DDI2: variants seen among roughly 807,000 people sequenced by gnomAD.
DDI2 encodes the protein DDI proteasomal shuttling factor 2.
Under a neutral mutation model 48.1 loss-of-function variants are expected in DDI2, and 5 were observed. The observed-to-expected ratio is 0.10, with a 90% CI of 0.05 to 0.22. The LOEUF (loss-of-function observed/expected upper bound fraction) is 0.22, where lower values mean the gene tolerates loss of function less well. Ranked by LOEUF, DDI2 falls within the 10% of genes least tolerant of loss-of-function variation. The pLI, the probability that DDI2 is intolerant of heterozygous loss-of-function variation, is 1.00. For synonymous variants in DDI2, 205 were observed against 183.6 expected (o/e 1.12, Z -0.94); for missense variants, 285 against 506.2 (o/e 0.56, Z 4.19).
intron 5 of DDI2, among the ~76,000 whole-genome samples, chr1:15,640,952 C>T (rs989139475): frequency 6.6e-6 from 1 of 152,050 alleles, no homozygotes; most frequent in African/African-American, 2.4e-5. Flanking sequence ...AAAAGCAGGG[C>T]AGGGACCATT....
intron 5 of DDI2, among the ~76,000 whole-genome samples, chr1:15,640,912 G>C (rs1189411126): frequency 6.6e-6 from 1 of 152,206 alleles, no homozygotes; most frequent in Non-Finnish European, 1.5e-5. Flanking sequence ...TCTTGAGCTA[G>C]ATCTTGAAGC....
rs1483371487 is a variant in DDI2 at position 15,648,847 on chromosome 1, A to AAC, written c.890-872_890-871insCA. On this transcript the variant is annotated intron_variant, in intron 6 of 9. Transcript: ENST00000480945. ...CAGACCCTGTCTCAAAAAAAAAAAA[A>AAC]AAAAACAACCCTAAAACCTAGATGT... Among the ~76,000 whole-genome samples, 49 of 151,400 alleles carry AAC rather than the reference A, an allele frequency of 3.2e-4. 1 individual carries two copies. The highest frequency in any genetic ancestry group is 1.2e-3 in the African/African-American group (49 of 41,094).
rs1640355144 is a variant in DDI2 at position 15,660,631 on chromosome 1, C to A, written c.*841C>A. The A allele has an allele frequency of 1.9e-6, 3 of 1,614,040 alleles. No individual in the cohort carries two copies. The highest frequency in any genetic ancestry group is 2.5e-6 in the Non-Finnish European group (3 of 1,180,040). On this transcript the variant is annotated 3_prime_UTR_variant, in exon 10 of 10. Coordinates refer to ENST00000480945, the MANE Select transcript of DDI2 (RefSeq NM_032341.5). ...AACATTTATGGAAATCGATACAGCT[C>A]AACAGTCCCTAGTTACTTTGCTTAA...
Position 15,617,814 on chromosome 1 carries a change from C to T in DDI2, c.138+6C>T. The T allele has an allele frequency of 6.3e-7, 1 of 1,590,206 alleles. No individual in the cohort carries two copies. Among genetic ancestry groups the T allele is most frequent in the Non-Finnish European group, 8.5e-7 (1 of 1,170,070 alleles). On this transcript the variant is annotated splice_donor_region_variant and intron_variant, in intron 1 of 9. Coordinates refer to ENST00000480945, the MANE Select transcript of DDI2 (RefSeq NM_032341.5). ...TCCCCGCAGCCGAGAGCCAGGTACG[C>T]CGGGCAGCGAGCCGGGCCTGCCCCG...
chr1:15,617,648 C>A lies in DDI2; in HGVS notation c.-23C>A. On this transcript the variant is annotated 5_prime_UTR_variant, in exon 1 of 10. Coordinates refer to ENST00000480945, the MANE Select transcript of DDI2 (RefSeq NM_032341.5). ...CGCGCCCAGGCCGGGCCGAGCCGAG[C>A]CGAGCCGGGTCGGGCCCGGGCCATG... is the stretch of plus-strand genomic sequence containing the variant. The A allele has an allele frequency of 1.4e-6, 2 of 1,399,768 alleles. No homozygotes were observed. The highest frequency in any genetic ancestry group is 1.6e-5 in the South Asian group (1 of 61,770). The allele number at this position is 1,399,768 out of a possible 1,614,324, so 86.7% of individuals were successfully genotyped here. A position where few individuals can be genotyped will look rare whatever the true frequency, so the allele number is the denominator to read the frequency against.
intron 5 of DDI2, among the ~76,000 whole-genome samples, chr1:15,639,551 A>G (rs967029693): frequency 6.6e-6 from 1 of 151,980 alleles, no homozygotes; most frequent in African/African-American, 2.4e-5. Flanking sequence ...TCAGCCTCCA[A>G]CTCCTGGGCT....
Position 15,660,793 on chromosome 1 carries a change from G to T in DDI2, c.*1003G>T. 6.2e-7 allele frequency: 1 copy of T among 1,614,026 alleles called. No individual in the cohort carries two copies. On this transcript the variant is annotated 3_prime_UTR_variant, in exon 10 of 10. Transcript: ENST00000480945. ...TTTGAATGATTCCATTTCCACTCAG[G>T]ATTTACAGCCCCCAGAAACTAATGT...
At chr1:15,617,905 T>TG in intron 1 of DDI2, 97 bp downstream of exon 1, 2 of 1,380,326 alleles carry the variant, frequency 1.4e-6, no homozygotes, top group South Asian at 1.6e-5. Context: ...AATTGGGGGC[T>TG]GGGGGGAGCA....
At chr1:15,630,654 A>G in intron 3 of DDI2, 93 bp downstream of exon 3, 2 of 876,822 alleles carry the variant, frequency 2.3e-6, no homozygotes, top group East Asian at 2.4e-5. Flanking sequence ...ACACTGTGTC[A>G]CATGATTTAT....
intron 1 of DDI2, among the ~76,000 whole-genome samples, chr1:15,626,059 C>G (rs1475582912): frequency 6.6e-6 from 1 of 152,098 alleles, no homozygotes; most frequent in African/African-American, 2.4e-5. Context: ...GTTAGCATAC[C>G]CAGAATAAAT....
chr1:15,621,573 T>C (rs1379286939), intron 1 of DDI2, among the ~76,000 whole-genome samples: 1 of 152,088 alleles, frequency 6.6e-6, no homozygotes, highest in East Asian at 1.9e-4. Context: ...TCTTTGGAGA[T>C]GGGGGTTTCA....
chr1:15,648,799 T>A (rs1640129814), intron 6 of DDI2, among the ~76,000 whole-genome samples: 1 of 135,072 alleles, frequency 7.4e-6, no homozygotes, highest in Admixed American at 8.0e-5. Context: ...CCTAGGAGTT[T>A]GAGACCAGCC....
intron 5 of DDI2, among the ~76,000 whole-genome samples, chr1:15,640,426 C>A (rs759174726): frequency 6.6e-6 from 1 of 152,198 alleles, no homozygotes; most frequent in Admixed American, 6.5e-5. Context: ...GATCAAGTCA[C>A]GCTTCCAGGT....
At chr1:15,651,627 T>G in intron 7 of DDI2, 79 bp from the exon 8 acceptor site, 1 of 1,374,198 alleles carries the variant, frequency 7.3e-7, no homozygotes, top group Non-Finnish European at 9.9e-7. Context: ...CCATTTGTGA[T>G]TGGAGTTTTA....
At chr1:15,620,622 T>A (rs1190913654) in intron 1 of DDI2, among the ~76,000 whole-genome samples, 1 of 152,212 alleles carries the variant, frequency 6.6e-6, no homozygotes, top group African/African-American at 2.4e-5. Flanking sequence ...TCCACACCAC[T>A]GGTGTCCAAA....
chr1:15,641,056 G>A (rs560402189), intron 5 of DDI2, among the ~76,000 whole-genome samples: 2 of 152,356 alleles, frequency 1.3e-5, no homozygotes, highest in South Asian at 4.1e-4. Flanking sequence ...CGGCTGGAAA[G>A]AAATGGTGGA....
chr1:15,626,897 A>G, intron 2 of DDI2, 99 bp downstream of exon 2: 1 of 1,428,128 alleles, frequency 7.0e-7, no homozygotes. Context: ...TTCAGACTAC[A>G]GAATACAGAT....
At chr1:15,633,922 ACT>A in intron 4 of DDI2, 1 of 424,312 alleles carries the variant, frequency 2.4e-6, no homozygotes, top group South Asian at 1.7e-5. Flanking sequence ...GGCTGATTTG[ACT>A]CTCTTTCTTT....
rs1360520897 is a variant in DDI2, at chr1:15,626,791, G to C, written c.261G>C (p.Gln87His). The C allele has an allele frequency of 2.5e-6, 4 of 1,614,028 alleles. No homozygotes were observed. In the South Asian group the frequency reaches 3.3e-5, roughly 13 times the overall value. ...ATGCAGACCCTCGACCTCCAGTGCA[G>C]TTCCCAAGTAAGACATCTGGTGGTT... ...KENADPRPPV[Q>H]FPNLPRIDFS... The change falls in exon 2 of 10, where the codon CAG becomes CAC. Residue 87 changes from glutamine to histidine, a missense_variant. Gln to His is a conservative substitution (Grantham distance 24). This residue lies in a region of DDI2 where 149 missense variants were observed against 236.5 expected (regional missense o/e 0.63). Transcript: ENST00000480945.
Sources: gnomAD v4.1 joint callset for allele counts (sites outside exome capture counted in the v4.1 genomes callset) on GRCh38, gnomAD v4.1.1 for gene constraint, gnomAD v4.1.1 regional missense constraint, MANE v1.5 for transcripts, NCBI Gene and HGNC (gene_info 2026-07-23, HGNC 2026-07-21) for gene names.